PSKH1: variants seen among roughly 807,000 people sequenced by gnomAD.
The protein encoded by PSKH1 is serine/threonine-protein kinase H1.
In PSKH1, 12 loss-of-function variants were observed where a neutral mutation model predicts 26.7. That is an observed-to-expected ratio of 0.45 (90% confidence interval 0.29 to 0.73). The LOEUF (loss-of-function observed/expected upper bound fraction) is 0.73, where lower values mean the gene tolerates loss of function less well. Ranked by LOEUF, PSKH1 falls within the 30% of genes least tolerant of loss-of-function variation. The pLI is 0.11. For missense variants in PSKH1, 431 were observed against 595.2 expected, an observed-to-expected ratio of 0.72 and a Z score of 2.87; for synonymous variants, 213 against 234.3, an observed-to-expected ratio of 0.91 and a Z score of 0.83.
chr16:67,896,310 T>C (rs1477981163), intron 1 of PSKH1, among the ~76,000 whole-genome samples: 1 of 152,028 alleles, frequency 6.6e-6, no homozygotes, highest in Non-Finnish European at 1.5e-5. Flanking sequence ...GGTTTCACCG[T>C]ATTGCTCAGG....
rs2058119270 is a variant in PSKH1 at position 67,893,962 on chromosome 16, C to G, written c.-71+591C>G. Among the ~76,000 whole-genome samples, 6 of 152,328 alleles carry G rather than the reference C, an allele frequency of 3.9e-5. No homozygotes were observed. In the South Asian group the frequency reaches 1.2e-3, roughly 32 times the overall value. Reference sequence around the variant, plus strand: ...CACCTGAAAATCTGAGTAAGTCCTTCACTGCCTGAAACTAGTTCCTTAGTG... The same window carrying G: ...CACCTGAAAATCTGAGTAAGTCCTTGACTGCCTGAAACTAGTTCCTTAGTG... On this transcript the variant is annotated intron_variant, in intron 1 of 2. Coordinates refer to ENST00000291041, the MANE Select transcript of PSKH1 (RefSeq NM_006742.3).
intron 2 of PSKH1, among the ~76,000 whole-genome samples, chr16:67,922,287 C>T (rs1380976242): frequency 6.6e-6 from 1 of 152,202 alleles, no homozygotes; most frequent in Non-Finnish European, 1.5e-5. Context: ...ACTCAAAGCT[C>T]TGTTTCCAGA....
At chr16:67,905,504 G>T (rs913069506) in intron 1 of PSKH1, among the ~76,000 whole-genome samples, 1 of 152,088 alleles carries the variant, frequency 6.6e-6, no homozygotes, top group African/African-American at 2.4e-5. Flanking sequence ...TCCTAACCCC[G>T]ACTTCACTCT....
chr16:67,906,300 G>A (rs1054079781), intron 1 of PSKH1, among the ~76,000 whole-genome samples: 3 of 151,604 alleles, frequency 2.0e-5, no homozygotes, highest in East Asian at 1.9e-4. Context: ...TCGAACTCCC[G>A]ACCTCTGGTG....
At chr16:67,900,427 G>T (rs370825059) in intron 1 of PSKH1, among the ~76,000 whole-genome samples, 1 of 152,166 alleles carries the variant, frequency 6.6e-6, no homozygotes, top group Non-Finnish European at 1.5e-5. Flanking sequence ...TGGAATGGAG[G>T]TTTCTAAAGC....
rs913865295 is a variant in PSKH1, at chr16:67,899,658, A to T, written c.-71+6287A>T. ...CCACATTTCTTTTATTTATTTATTT[A>T]TTTTTTTGAGATGGAGTCCTGCTCT... On this transcript the variant is annotated intron_variant, in intron 1 of 2. Transcript: ENST00000291041. Among the ~76,000 whole-genome samples, 9 of 132,702 alleles carry T rather than the reference A, an allele frequency of 6.8e-5. No homozygotes were observed. The South Asian group carries it at 9.4e-4, about 14-fold the overall frequency. The allele number at this position is 132,702 out of a possible 152,430, so 87.1% of individuals were successfully genotyped here. A position where few individuals can be genotyped will look rare whatever the true frequency, so the allele number is the denominator to read the frequency against.
intron 2 of PSKH1, among the ~76,000 whole-genome samples, chr16:67,914,729 C>T (rs1246160389): frequency 6.6e-6 from 1 of 152,208 alleles, no homozygotes; most frequent in Non-Finnish European, 1.5e-5. Flanking sequence ...GCTAGGATTA[C>T]AGGCGTGAGC....
At chr16:67,906,985 A>G (rs2058157748) in intron 1 of PSKH1, among the ~76,000 whole-genome samples, 1 of 150,180 alleles carries the variant, frequency 6.7e-6, no homozygotes, top group South Asian at 2.1e-4. Context: ...TTTTTTTGAG[A>G]CGGAGTCTCA....
At chr16:67,918,182 C>T (rs980223709) in intron 2 of PSKH1, among the ~76,000 whole-genome samples, 7 of 152,130 alleles carry the variant, frequency 4.6e-5, no homozygotes, top group Non-Finnish European at 1.0e-4. Context: ...GATGTCAGTG[C>T]TTTTGTCAAG....
At chr16:67,894,572 G>GA (rs919814003) in intron 1 of PSKH1, among the ~76,000 whole-genome samples, 3 of 152,014 alleles carry the variant, frequency 2.0e-5, no homozygotes, top group East Asian at 3.9e-4. Flanking sequence ...CACTTCCTAG[G>GA]AAAAAAATCT....
At chr16:67,895,748 G>C (rs1025286815) in intron 1 of PSKH1, among the ~76,000 whole-genome samples, 9 of 152,142 alleles carry the variant, frequency 5.9e-5, no homozygotes, top group African/African-American at 2.2e-4. Context: ...TAACTTTACT[G>C]TGCTTCCTCA....
At chr16:67,904,215 T>C (rs2058149620) in intron 1 of PSKH1, among the ~76,000 whole-genome samples, 1 of 151,516 alleles carries the variant, frequency 6.6e-6, no homozygotes, top group South Asian at 2.1e-4. Flanking sequence ...TTTTATATAT[T>C]TTTTGAGACT....
intron 1 of PSKH1, among the ~76,000 whole-genome samples, chr16:67,904,423 C>T (rs559610553): frequency 6.6e-6 from 1 of 152,096 alleles, no homozygotes; most frequent in Admixed American, 6.5e-5. Flanking sequence ...CCAGACTGGT[C>T]TCGAACTCCT....
intron 2 of PSKH1, among the ~76,000 whole-genome samples, chr16:67,924,690 T>A (rs1028318709): frequency 2.6e-5 from 4 of 152,228 alleles, no homozygotes; most frequent in Non-Finnish European, 5.9e-5. Context: ...GTCAGCCCTG[T>A]CTTGGGGCTG....
rs775455575 is a variant in PSKH1 at position 67,909,080 on chromosome 16, C to G, written c.331C>G (p.Arg111Gly). 1 of 1,614,030 alleles carries G rather than the reference C, an allele frequency of 6.2e-7. No homozygotes were observed. The highest frequency in any genetic ancestry group is 8.5e-7 in the Non-Finnish European group (1 of 1,180,044). The part of the protein sequence containing the change: ...KALIGRGSFS[R>G]VVRVEHRATR... The stretch of plus-strand genomic sequence containing the variant: ...CCTAATTGGCCGAGGCAGCTTCAGC[C>G]GAGTGGTACGTGTAGAGCACCGGGC... The change falls in exon 2 of 3, where the codon CGA (arginine) becomes GGA (glycine). Residue 111 changes from arginine (R) to glycine (G), a missense_variant. Transcript: ENST00000291041. This position sits in a 1 kb window ranked among gnomAD's most constrained non-coding sequence, Gnocchi z 7.8.
rs1453962356 is a variant in PSKH1 at position 67,927,063 on chromosome 16, G to T, written c.958-262G>T. The stretch of plus-strand genomic sequence containing the variant: ...GTCTTGGCAGAGGCCATCTCCCTGA[G>T]CCAGGCTTTGGGTCCAGTGCACCAT... On this transcript the variant is annotated intron_variant, in intron 2 of 2. Coordinates refer to ENST00000291041, the MANE Select transcript of PSKH1 (RefSeq NM_006742.3). This position sits in a 1 kb window ranked among gnomAD's most constrained non-coding sequence, Gnocchi z 5.5. Among the ~76,000 whole-genome samples the T allele has an allele frequency of 1.3e-5, 2 of 152,228 alleles. No homozygotes were observed. The highest frequency in any genetic ancestry group is 4.8e-5 in the African/African-American group (2 of 41,458).
At chr16:67,918,118 G>A (rs751029910) in intron 2 of PSKH1, among the ~76,000 whole-genome samples, 4 of 152,146 alleles carry the variant, frequency 2.6e-5, no homozygotes, top group African/African-American at 7.2e-5. Flanking sequence ...GAACTGTCAG[G>A]GTCCTCCAAT....
intron 2 of PSKH1, among the ~76,000 whole-genome samples, chr16:67,920,141 TTGTC>T (rs920739529): frequency 2.0e-5 from 3 of 152,280 alleles, no homozygotes; most frequent in African/African-American, 7.2e-5. Flanking sequence ...TGTCTTTTCA[TTGTC>T]TGTCTCCACC....
intron 1 of PSKH1, among the ~76,000 whole-genome samples, chr16:67,900,759 C>G (rs1370990353): frequency 6.6e-6 from 1 of 152,110 alleles, no homozygotes; most frequent in Non-Finnish European, 1.5e-5. Context: ...TGCTTTGGAC[C>G]AGGCTGGGAG....
Sources: gnomAD v4.1 joint callset for allele counts (sites outside exome capture counted in the v4.1 genomes callset) on GRCh38, gnomAD v4.1.1 for gene constraint, Gnocchi (gnomAD v3.1) non-coding constraint, MANE v1.5 for transcripts, NCBI Gene and HGNC (gene_info 2026-07-23, HGNC 2026-07-21) for gene names.